The following ASH1L variants were observed in gnomAD, a reference collection of about 807,000 sequenced individuals.
ASH1L encodes the protein ASH1 like histone lysine methyltransferase.
In ASH1L, 23 loss-of-function variants were observed where a neutral mutation model predicts 269.0. That is an observed-to-expected ratio of 0.09 (90% CI 0.06 to 0.12). ASH1L has a LOEUF of 0.12. Ranked by LOEUF, ASH1L falls within the 10% of genes least tolerant of loss-of-function variation. The pLI, the probability that ASH1L is intolerant of heterozygous loss-of-function variation, is 1.00. For synonymous variants in ASH1L, 1,187 were observed against 1,253.5 expected (o/e 0.95, Z 1.12); for missense variants, 2,912 against 3,567.8 (o/e 0.82, Z 4.68).
chr1:155,336,001 A>G lies in ASH1L; in HGVS notation c.*1659T>C, dbSNP rs1570928436. The G allele has an allele frequency of 6.5e-6, 1 of 152,704 alleles. No homozygotes were observed. Among genetic ancestry groups the G allele is most frequent in the East Asian group, 1.9e-4 (1 of 5,316 alleles). 9.5% of individuals were successfully genotyped at this position (152,704 alleles called of 1,614,324 possible). A position where few individuals can be genotyped will look rare whatever the true frequency, so the allele number is the denominator to read the frequency against. On this transcript the variant is annotated 3_prime_UTR_variant, in exon 28 of 28. Transcript: ENST00000392403. ...TGAGTATCTTATACCCAGGTCTCTT[A>G]GTAATGTACAGTGCTTCTCTACAGT...
At chr1:155,383,016 C>T (rs1003829300) in intron 7 of ASH1L, among the ~76,000 whole-genome samples, 1 of 152,146 alleles carries the variant, frequency 6.6e-6, no homozygotes, top group African/African-American at 2.4e-5. Flanking sequence ...AGCCGCCATG[C>T]CTGGCCCTCT....
intron 5 of ASH1L, among the ~76,000 whole-genome samples, chr1:155,423,312 G>A (rs533805390): frequency 6.6e-6 from 1 of 151,710 alleles, no homozygotes; most frequent in African/African-American, 2.4e-5. Context: ...CAGGCATGGT[G>A]GCTCACACCT....
At chr1:155,404,702 C>A (rs1474466887) in intron 6 of ASH1L, among the ~76,000 whole-genome samples, 1 of 152,076 alleles carries the variant, frequency 6.6e-6, no homozygotes, top group Non-Finnish European at 1.5e-5. Flanking sequence ...TATTTCTATA[C>A]ATAGCAATAA....
chr1:155,428,430 G>A (rs556845121), intron 5 of ASH1L, among the ~76,000 whole-genome samples: 1 of 125,534 alleles, frequency 8.0e-6, no homozygotes, highest in African/African-American at 2.6e-5. Flanking sequence ...CGACAACAAT[G>A]AAATTCCGTC....
Position 155,415,399 on chromosome 1 carries a change from C to G in ASH1L, c.6008+345G>C, listed in dbSNP as rs75833352. ...TCCGTCTCAAAAAAAAAAAAAAAAA[C>G]AAAAAAAGAAAAGAAAAGCATCATT... is the stretch of plus-strand genomic sequence containing the variant. On this transcript the variant is annotated intron_variant, in intron 6 of 27. Transcript: ENST00000392403. Among the ~76,000 whole-genome samples the G allele has an allele frequency of 3.6e-5, 5 of 138,850 alleles. No homozygotes were observed. The East Asian group carries it at 1.0e-3, about 29-fold the overall frequency. The allele number at this position is 138,850 out of a possible 152,430, so 91.1% of individuals were successfully genotyped here.
In ASH1L at chr1:155,336,214, A is replaced by G. The variant is rs1377449505; in HGVS notation, c.*1446T>C. 1.3e-5 allele frequency: 2 copies of G among 152,688 alleles called. No individual in the cohort carries two copies. The highest frequency in any genetic ancestry group is 2.4e-5 in the African/African-American group (1 of 41,420). The allele number at this position is 152,688 out of a possible 1,614,324, so 9.5% of individuals were successfully genotyped here. On this transcript the variant is annotated 3_prime_UTR_variant, in exon 28 of 28. Coordinates refer to ENST00000392403, the MANE Select transcript of ASH1L (RefSeq NM_018489.3). ...TGGAAGGTGGTCAATGTGTCTACCT[A>G]AACGAGTCAGAGCATCGTCACCATA...
At chr1:155,434,252 A>C (rs1661891349) in intron 5 of ASH1L, 1 of 1,600,992 alleles carries the variant, frequency 6.2e-7, no homozygotes, top group African/African-American at 1.3e-5. Flanking sequence ...TCTCCCATGC[A>C]TTCAAACTGA....
chr1:155,344,491 A>T, intron 21 of ASH1L: 1 of 457,006 alleles, frequency 2.2e-6, no homozygotes, highest in Non-Finnish European at 3.9e-6. Flanking sequence ...TGTTTTATGA[A>T]GCACTAATTG....
chr1:155,477,859 T>C lies in ASH1L; in HGVS notation c.4984+27A>G, dbSNP rs555757892. 4.5e-6 allele frequency: 7 copies of C among 1,545,382 alleles called. No individual in the cohort carries two copies. The East Asian group carries it at 1.4e-4, about 30-fold the overall frequency. ...GAAAATAACCTATTTCTTTAACAAA[T>C]AACAGGTAACAAAATAACCCTCTTA... On this transcript the variant is annotated intron_variant, in intron 3 of 27. Transcript: ENST00000392403.
chr1:155,478,976 T>A lies in ASH1L; in HGVS notation c.3894A>T (p.Leu1298=), dbSNP rs747847882. 1 of 1,613,578 alleles carries A rather than the reference T, an allele frequency of 6.2e-7. No homozygotes were observed. The highest frequency in any genetic ancestry group is 1.3e-5 in the African/African-American group (1 of 74,916). The stretch of plus-strand genomic sequence containing the variant: ...TTCGATGAGTGATCCGAATTTCACT[T>A]AGGCGACTTATTAGTTCCTCCAGCT... ...IAELEELISR[L]SEIRITHRSH... Residue 1298 remains leucine, a synonymous_variant, in exon 3 of 28, where the codon CTA becomes CTT. Coordinates refer to ENST00000392403, the MANE Select transcript of ASH1L (RefSeq NM_018489.3). The surrounding 1 kb of genome is among the most constrained non-coding windows in gnomAD (Gnocchi z 4.6).
chr1:155,375,793 C>T (rs886966532), intron 10 of ASH1L, among the ~76,000 whole-genome samples: 14 of 127,328 alleles, frequency 1.1e-4, no homozygotes, highest in Admixed American at 1.0e-3. Context: ...AATGAAACTT[C>T]GTCTCAAAAA....
intron 10 of ASH1L, among the ~76,000 whole-genome samples, chr1:155,371,295 C>T (rs1032415977): frequency 6.6e-6 from 1 of 152,150 alleles, no homozygotes; most frequent in Non-Finnish European, 1.5e-5. Context: ...TGCCTGTAAT[C>T]CCAGCACTTT....
chr1:155,378,791 A>G (rs1053079742), intron 8 of ASH1L, among the ~76,000 whole-genome samples: 2 of 152,258 alleles, frequency 1.3e-5, no homozygotes, highest in Admixed American at 1.3e-4. Context: ...AAGTGGAATT[A>G]CATGTTTCTT....
chr1:155,352,002 T>C (rs1653972390), intron 17 of ASH1L, among the ~76,000 whole-genome samples: 2 of 152,172 alleles, frequency 1.3e-5, no homozygotes, highest in Admixed American at 6.6e-5. Context: ...ACAGTTACTC[T>C]GTATTATGAA....
chr1:155,514,875 A>C (rs908182146), intron 2 of ASH1L, among the ~76,000 whole-genome samples: 1 of 152,078 alleles, frequency 6.6e-6, no homozygotes, highest in Non-Finnish European at 1.5e-5. Flanking sequence ...ACCATTCTAC[A>C]GTCATTCGGC....
chr1:155,427,665 C>T (rs953905964), intron 5 of ASH1L, among the ~76,000 whole-genome samples: 16 of 152,102 alleles, frequency 1.1e-4, no homozygotes, highest in Non-Finnish European at 1.5e-5. Flanking sequence ...TCTTAAACTC[C>T]TGACCTCAGG....
intron 6 of ASH1L, among the ~76,000 whole-genome samples, chr1:155,408,069 C>T (rs1659441963): frequency 6.6e-6 from 1 of 152,154 alleles, no homozygotes; most frequent in Non-Finnish European, 1.5e-5. Context: ...AGCAGACTGT[C>T]TTTGTTGAAG....
chr1:155,510,411 CAAAAAAAAAAAA>C (rs1161549080), intron 2 of ASH1L, among the ~76,000 whole-genome samples: 6 of 40,960 alleles, frequency 1.5e-4, no homozygotes, highest in Non-Finnish European at 3.5e-4. Context: ...AAGGCTGCCT[CAAAAAAAAAAAA>C]AAAAAAAAAA....
At chr1:155,499,124 T>G (rs1436526528) in intron 2 of ASH1L, among the ~76,000 whole-genome samples, 1 of 152,100 alleles carries the variant, frequency 6.6e-6, no homozygotes, top group Non-Finnish European at 1.5e-5. Flanking sequence ...TATATGGCCC[T>G]CATAGGATCA....
Sources: allele counts gnomAD v4.1 joint callset (sites outside exome capture counted in the v4.1 genomes callset), GRCh38; gene constraint gnomAD v4.1.1; non-coding constraint Gnocchi (gnomAD v3.1); transcripts MANE v1.5; gene names NCBI Gene and HGNC (gene_info 2026-07-23, HGNC 2026-07-21).